Variants in USP22 observed in about 807,000 individuals in gnomAD.
USP22 encodes the protein ubiquitin specific peptidase 22, also known as ubiquitin carboxyl-terminal hydrolase 22.
USP22 carries 22 observed loss-of-function variants against 68.1 expected under a neutral mutation model. The ratio of observed to expected loss-of-function variants is 0.32; its 90% CI spans 0.23 to 0.46. The LOEUF (loss-of-function observed/expected upper bound fraction) is 0.46, where lower values mean the gene tolerates loss of function less well. Among genes scored for constraint, USP22 ranks in the 20% least tolerant of loss-of-function variants. The pLI, the probability that USP22 is intolerant of heterozygous loss-of-function variation, is 1.00. For missense variants in USP22, 433 were observed against 695.8 expected, an observed-to-expected ratio of 0.62 and a Z score of 4.25; for synonymous variants, 279 against 274.2, an observed-to-expected ratio of 1.02 and a Z score of -0.17.
At chr17:21,008,810 G>A (rs1216342992) in intron 8 of USP22, among the ~76,000 whole-genome samples, 1 of 152,128 alleles carries the variant, frequency 6.6e-6, no homozygotes, top group African/African-American at 2.4e-5. Context: ...TGAGAGGTCG[G>A]CCAGGTGCGG....
At chr17:21,003,990 G>A (rs1251984602) in intron 12 of USP22, among the ~76,000 whole-genome samples, 3 of 151,918 alleles carry the variant, frequency 2.0e-5, no homozygotes, top group African/African-American at 7.3e-5. Context: ...CTAAGGGAAT[G>A]CCTCCAGAGA....
intron 3 of USP22, among the ~76,000 whole-genome samples, chr17:21,020,847 C>A (rs771310331): frequency 6.6e-6 from 1 of 152,164 alleles, no homozygotes; most frequent in Non-Finnish European, 1.5e-5. Flanking sequence ...GGCCCAGCTG[C>A]AGGCCCATGG....
chr17:21,022,638 A>G (rs1972170654), intron 2 of USP22, among the ~76,000 whole-genome samples: 2 of 152,144 alleles, frequency 1.3e-5, no homozygotes, highest in Non-Finnish European at 2.9e-5. Flanking sequence ...TCTCTACTAA[A>G]AGTACAAAAA....
chr17:21,016,391 CG>C (rs201828787), intron 5 of USP22, among the ~76,000 whole-genome samples: 1 of 152,162 alleles, frequency 6.6e-6, no homozygotes, highest in African/African-American at 2.4e-5. Context: ...CAACTCCAGC[CG>C]CAGACCCAGC....
At chr17:21,017,822 T>G in intron 5 of USP22, 120 bp downstream of exon 5, 1 of 1,272,962 alleles carries the variant, frequency 7.9e-7, no homozygotes, top group Non-Finnish European at 1.1e-6. Context: ...TATTAAACAT[T>G]AACTTACTAC....
chr17:21,033,566 C>A (rs1048173373), intron 1 of USP22, among the ~76,000 whole-genome samples: 8 of 152,040 alleles, frequency 5.3e-5, no homozygotes, highest in African/African-American at 1.9e-4. Flanking sequence ...AATTTTGAGT[C>A]CAGCTTTTAA....
intron 8 of USP22, among the ~76,000 whole-genome samples, chr17:21,010,889 G>T (rs922518795): frequency 1.3e-5 from 2 of 152,126 alleles, no homozygotes; most frequent in East Asian, 3.9e-4. Context: ...TTTGGCTCTG[G>T]GTTCATTTAC....
Position 21,027,497 on chromosome 17 carries a change from G to A in USP22, c.304+1045C>T, listed in dbSNP as rs543010406. Among the ~76,000 whole-genome samples the A allele has an allele frequency of 6.6e-5, 10 of 150,726 alleles. No individual in the cohort carries two copies. The South Asian group carries it at 1.3e-3, about 19-fold the overall frequency. On this transcript the variant is annotated intron_variant, in intron 2 of 12. Transcript: ENST00000261497. ...GCATCAAATTACAGAACTTCAGGGC[G>A]GGAAAGCCTAAAAATATCTTTACCT...
intron 1 of USP22, among the ~76,000 whole-genome samples, chr17:21,035,171 T>A (rs748189482): frequency 5.9e-5 from 9 of 152,212 alleles, no homozygotes; most frequent in Non-Finnish European, 1.3e-4. Context: ...TACACATGTA[T>A]GGGGAGCAAT....
At chr17:21,009,091 C>CA (rs56665164) in intron 8 of USP22, among the ~76,000 whole-genome samples, 1,267 of 91,668 alleles carry the variant, frequency 0.014, 23 homozygotes, top group East Asian at 0.022. Flanking sequence ...GACTCCATTT[C>CA]AAAAAAAAAA....
intron 12 of USP22, among the ~76,000 whole-genome samples, chr17:21,003,811 A>C (rs760474866): frequency 5.9e-5 from 9 of 151,674 alleles, no homozygotes; most frequent in Admixed American, 1.3e-4. Flanking sequence ...GAGGCAGGAG[A>C]CTGACTTGAA....
At position 21,002,743 on chromosome 17, in the gene USP22, A is replaced by G; in HGVS notation, c.*288T>C. 1 of 393,672 alleles carries G rather than the reference A, an allele frequency of 2.5e-6. No individual in the cohort carries two copies. The highest frequency in any genetic ancestry group is 4.9e-6 in the Non-Finnish European group (1 of 205,774). The allele number at this position is 393,672 out of a possible 1,614,324, so 24.4% of individuals were successfully genotyped here. On this transcript the variant is annotated 3_prime_UTR_variant, in exon 13 of 13. Transcript: ENST00000261497. Reference sequence around the variant, plus strand: ...GCTGTGAGGCCCCCGTTGCACCCCCATGTCATGACACAAGAGATGTTCTGG... The same window carrying G: ...GCTGTGAGGCCCCCGTTGCACCCCCGTGTCATGACACAAGAGATGTTCTGG...
intron 1 of USP22, among the ~76,000 whole-genome samples, chr17:21,040,054 G>A (rs1182154546): frequency 2.0e-5 from 3 of 152,154 alleles, no homozygotes; most frequent in Non-Finnish European, 1.5e-5. Context: ...GCCGGTCGTG[G>A]TGACACACGC....
chr17:21,015,770 G>A lies in USP22; in HGVS notation c.820C>T (p.Leu274Phe). 1 of 1,613,324 alleles carries A rather than the reference G, an allele frequency of 6.2e-7. No homozygotes were observed. The highest frequency in any genetic ancestry group is 8.5e-7 in the Non-Finnish European group (1 of 1,179,960). ...HEFLIAALDV[L>F]HRHCKGDDNG... ...GGCCCACCTTTGCAGTGTCGGTGGA[G>A]CACGTCCAGGGCCGCGATGAGGAAC... The change falls in exon 6 of 13, where the codon CTC becomes TTC. Residue 274 changes from leucine (L) to phenylalanine (F), a missense_variant. Physicochemically the swap from Leu to Phe is conservative, Grantham distance 22. This residue lies in a region of USP22 where 178 missense variants were observed against 351.5 expected (regional missense o/e 0.51). Coordinates refer to ENST00000261497, the MANE Select transcript of USP22 (RefSeq NM_015276.2).
chr17:21,037,286 G>T (rs1972369221), intron 1 of USP22, among the ~76,000 whole-genome samples: 1 of 152,174 alleles, frequency 6.6e-6, no homozygotes, highest in South Asian at 2.1e-4. Flanking sequence ...CAAGGAGGAG[G>T]AACAGAACTC....
At position 21,011,219 on chromosome 17, in the gene USP22, G is replaced by A. The variant is rs781346363; in HGVS notation, c.1035C>T (p.Ser345=). ...TTTCCCCGTTTACCACGTTGCCCTC[G>A]CTCCCTGGGCTCAGGGGCCAGAATG... ...STPFWPLSPG[S]EGNVVNGESH... is the part of the protein sequence containing the mutation. The change falls in exon 8 of 13, where the codon AGC becomes AGT. Residue 345 remains serine, a synonymous_variant. Coordinates refer to ENST00000261497, the MANE Select transcript of USP22 (RefSeq NM_015276.2). The A allele has an allele frequency of 7.5e-6, 12 of 1,610,554 alleles. No homozygotes were observed. The highest frequency in any genetic ancestry group is 6.7e-5 in the East Asian group (3 of 44,718).
At chr17:21,040,633 A>G (rs1414443421) in intron 1 of USP22, among the ~76,000 whole-genome samples, 1 of 152,156 alleles carries the variant, frequency 6.6e-6, no homozygotes, top group Non-Finnish European at 1.5e-5. Context: ...TAACTTTAGG[A>G]AATTAGGCAA....
At position 21,002,832 on chromosome 17, in the gene USP22, G is replaced by C. The variant is rs11541314; in HGVS notation, c.*199C>G. 0.25 allele frequency: 150,638 copies of C among 603,554 alleles called. 20,989 individuals are homozygous for C. Among genetic ancestry groups the C allele is most frequent in the Middle Eastern group, 0.34 (696 of 2,070 alleles). The allele number at this position is 603,554 out of a possible 1,614,324, so 37.4% of individuals were successfully genotyped here. ...CCTCATCTCATCCATCTTCAAAGCA[G>C]CTCCAGGAGCCTCCCCGTCCGTGTG... On this transcript the variant is annotated 3_prime_UTR_variant, in exon 13 of 13. Coordinates refer to ENST00000261497, the MANE Select transcript of USP22 (RefSeq NM_015276.2).
chr17:21,042,660 C>G lies in USP22; in HGVS notation c.171+5G>C. On this transcript the variant is annotated splice_donor_5th_base_variant and intron_variant, in intron 1 of 12. Coordinates refer to ENST00000261497, the MANE Select transcript of USP22 (RefSeq NM_015276.2). ...GCCCGCCGCGCGGTGGGCTGCCGGGCGCACCTTGCGCTTGCGGGCCTCAGC... is the reference window on the plus strand; with the variant it reads ...GCCCGCCGCGCGGTGGGCTGCCGGGGGCACCTTGCGCTTGCGGGCCTCAGC... 7.9e-7 allele frequency: 1 copy of G among 1,267,928 alleles called. No homozygotes were observed. The allele number at this position is 1,267,928 out of a possible 1,614,324, so 78.5% of individuals were successfully genotyped here.
Sources: gnomAD v4.1 joint callset for allele counts (sites outside exome capture counted in the v4.1 genomes callset) on GRCh38, gnomAD v4.1.1 for gene constraint, gnomAD v4.1.1 regional missense constraint, MANE v1.5 for transcripts, NCBI Gene and HGNC (gene_info 2026-07-23, HGNC 2026-07-21) for gene names.